GPI: variants seen among roughly 807,000 people sequenced by gnomAD.
GPI encodes the protein D-hexose-6-phosphate anomerase.
In GPI, 56 loss-of-function variants were observed where a neutral mutation model predicts 75.8. The ratio of observed to expected loss-of-function variants is 0.74; its 90% CI spans 0.60 to 0.92. The LOEUF (loss-of-function observed/expected upper bound fraction) is 0.92, where lower values mean the gene tolerates loss of function less well. Among genes scored for constraint, GPI ranks in the 40% least tolerant of loss-of-function variants. The pLI is 0.00. For missense variants in GPI, 638 were observed against 741.0 expected (o/e 0.86, Z 1.61); for synonymous variants, 288 against 285.4 (o/e 1.01, Z -0.09).
At chr19:34,366,711 C>A in intron 2 of GPI, 72 bp from the exon 3 acceptor site, 1 of 1,045,170 alleles carries the variant, frequency 9.6e-7, no homozygotes, top group Non-Finnish European at 1.5e-6. Flanking sequence ...AGCACCAAGC[C>A]TTGTGTTTGG....
At chr19:34,382,905 C>G (rs987213276) in intron 9 of GPI, among the ~76,000 whole-genome samples, 1 of 152,116 alleles carries the variant, frequency 6.6e-6, no homozygotes, top group South Asian at 2.1e-4. Flanking sequence ...AGGGACCTGC[C>G]TGAGTTACTA....
chr19:34,365,458 G>A (rs2074345873), intron 1 of GPI, 70 bp downstream of exon 1: 1 of 1,511,400 alleles, frequency 6.6e-7, no homozygotes, highest in Admixed American at 2.0e-5. Flanking sequence ...CCTGGGGTCT[G>A]GAGGCGGGGG....
upstream of GPI, chr19:34,365,154 G>T: frequency 4.9e-6 from 6 of 1,232,402 alleles, no homozygotes; most frequent in Non-Finnish European, 6.1e-6. Context: ...GGGCCGGGCC[G>T]GGCGCCTGCG....
At chr19:34,377,336 A>AAT (rs1243864461) in intron 4 of GPI, among the ~76,000 whole-genome samples, 167 bp from the exon 5 acceptor site, 8,477 of 48,912 alleles carry the variant, frequency 0.17, 870 homozygotes, top group Admixed American at 0.23. Context: ...AAAAAAAAAA[A>AAT]ATATATATAT....
intron 14 of GPI, chr19:34,397,612 C>T (rs946647552): frequency 2.0e-5 from 3 of 151,770 alleles, no homozygotes; most frequent in Non-Finnish European, 2.9e-5. Flanking sequence ...CCTCAAATAG[C>T]TGAGACTTAC....
At chr19:34,375,160 T>TTA (rs1568331554) in intron 4 of GPI, among the ~76,000 whole-genome samples, 1 of 151,248 alleles carries the variant, frequency 6.6e-6, no homozygotes, top group African/African-American at 2.4e-5. Context: ...TTTTTTTTTT[T>TTA]AAGACGGAGT....
chr19:34,386,449 C>T lies in GPI; in HGVS notation c.804+4930C>T, dbSNP rs186703714. ...GAGGAGCCAGGGTCAGGCAGGTAGA[C>T]AAAACTGGTCTGCCAGGAGTAGTCT... On this transcript the variant is annotated intron_variant, in intron 9 of 17. Coordinates refer to ENST00000356487, the MANE Select transcript of GPI (RefSeq NM_000175.5). 3.3e-5 allele frequency among the ~76,000 whole-genome samples: 5 copies of T among 152,186 alleles called. No homozygotes were observed. The East Asian group carries it at 9.7e-4, about 30-fold the overall frequency.
chr19:34,393,920 C>T lies in GPI; in HGVS notation c.916C>T (p.His306Tyr). Residue 306 changes from histidine to tyrosine, a missense_variant, in exon 12 of 18, where the codon CAC (histidine) becomes TAC (tyrosine). By Grantham distance (83) the His-to-Tyr change is moderately conservative. Transcript: ENST00000356487. This position sits in a 1 kb window ranked among gnomAD's most constrained non-coding sequence, Gnocchi z 4.4. ...CATCCTGCTCCTGTTTCAGGACCAG[C>T]ACTTCCGCACGACGCCCCTGGAGAA... ...LLSGAHWMDQ[H>Y]FRTTPLEKNA... 6.2e-7 allele frequency: 1 copy of T among 1,613,672 alleles called. No homozygotes were observed. The highest frequency in any genetic ancestry group is 8.5e-7 in the Non-Finnish European group (1 of 1,179,948).
At chr19:34,364,763 A>C (rs1024477799), upstream of GPI, 3 of 427,088 alleles carry the variant, frequency 7.0e-6, no homozygotes, top group Admixed American at 1.3e-4. Context: ...ACCAGCAGAC[A>C]CACATCATCT....
intron 7 of GPI, among the ~76,000 whole-genome samples, chr19:34,379,248 C>T (rs571869671): frequency 1.9e-4 from 29 of 152,350 alleles, no homozygotes; most frequent in African/African-American, 6.0e-4. Context: ...TCTCTGCAGG[C>T]CCTTGGCGCT....
chr19:34,377,407 T>G, intron 4 of GPI, 96 bp from the exon 5 acceptor site: 1 of 818,516 alleles, frequency 1.2e-6, no homozygotes. Context: ...GCCTGAAAGC[T>G]GGGACTGAGG....
chr19:34,400,107 C>T lies in GPI; in HGVS notation c.*71C>T, dbSNP rs948794170. On this transcript the variant is annotated 3_prime_UTR_variant, in exon 18 of 18. Coordinates refer to ENST00000356487, the MANE Select transcript of GPI (RefSeq NM_000175.5). ...TCGTCCCTCCTCCCCGGAGCCGGCA[C>T]TGCATGTTCCTGGACACCACCCAGA... 1 of 1,498,846 alleles carries T rather than the reference C, an allele frequency of 6.7e-7. No individual in the cohort carries two copies. The highest frequency in any genetic ancestry group is 9.2e-7 in the Non-Finnish European group (1 of 1,089,310). 92.8% of individuals were successfully genotyped at this position (1,498,846 alleles called of 1,614,324 possible).
rs2074991580 is a variant in GPI, at chr19:34,399,547, T to C, written c.1399-9T>C. 1 of 1,613,854 alleles carries C rather than the reference T, an allele frequency of 6.2e-7. No homozygotes were observed. On this transcript the variant is annotated splice_polypyrimidine_tract_variant and intron_variant, in intron 15 of 17. Coordinates refer to ENST00000356487, the MANE Select transcript of GPI (RefSeq NM_000175.5). ...CTCTCTTGGAGACATTCCTTGGTGTTTTCTGCAGGTCTTTGAAGGAAATCG... is the reference window on the plus strand; with the variant it reads ...CTCTCTTGGAGACATTCCTTGGTGTCTTCTGCAGGTCTTTGAAGGAAATCG...
chr19:34,392,027 T>G (rs112373122), intron 9 of GPI, among the ~76,000 whole-genome samples: 21 of 2,132 alleles, frequency 9.8e-3, no homozygotes, highest in East Asian at 0.042. Flanking sequence ...ATCTGGGTCT[T>G]TCAATGTCTG....
At chr19:34,366,080 G>A in intron 1 of GPI, 1 of 673,618 alleles carries the variant, frequency 1.5e-6, no homozygotes, top group South Asian at 1.5e-5. Context: ...CTGGGAAGGG[G>A]TGGTCCCCCA....
At position 34,399,639 on chromosome 19, in the gene GPI, A is replaced by AGT; in HGVS notation, c.1474+9_1474+10dup. 1 of 1,613,986 alleles carries AGT rather than the reference A, an allele frequency of 6.2e-7. No homozygotes were observed. The highest frequency in any genetic ancestry group is 8.5e-7 in the Non-Finnish European group (1 of 1,179,898). On this transcript the variant is annotated intron_variant, in intron 16 of 17. Transcript: ENST00000356487. ...TGCTTGGAGCCTTGGTCGGTGAGTG[A>AGT]GTAGGGGAAAGGTCCTGGCTTGGGG...
rs750076196 is a variant in GPI, at chr19:34,377,789, G to A, written c.541G>A (p.Val181Ile). 1.8e-5 allele frequency: 29 copies of A among 1,613,890 alleles called. No homozygotes were observed. The highest frequency in any genetic ancestry group is 3.3e-4 in the Middle Eastern group (2 of 6,084). The change falls in exon 6 of 18, where the codon GTC becomes ATC. Residue 181 changes from valine to isoleucine, a missense_variant. Transcript: ENST00000356487. ...LKPYSSGGPR[V>I]WYVSNIDGTH... Reference sequence around the variant, plus strand: ...GCCATACTCTTCAGGAGGTCCCCGCGTCTGGTATGTCTCCAACATTGATGG... The same window carrying A: ...GCCATACTCTTCAGGAGGTCCCCGCATCTGGTATGTCTCCAACATTGATGG...
At chr19:34,374,227 G>T (rs1055539898) in intron 4 of GPI, among the ~76,000 whole-genome samples, 2 of 146,822 alleles carry the variant, frequency 1.4e-5, no homozygotes, top group African/African-American at 2.5e-5. Flanking sequence ...CAAGTGATCC[G>T]CCTGCCTTGC....
intron 1 of GPI, 144 bp from the exon 2 acceptor site, chr19:34,366,201 A>G (rs1162701063): frequency 8.3e-6 from 6 of 721,314 alleles, no homozygotes; most frequent in Non-Finnish European, 1.5e-5. Flanking sequence ...CAGGTGACAG[A>G]CACCACCACT....
Sources: gnomAD v4.1 joint callset for allele counts (sites outside exome capture counted in the v4.1 genomes callset) on GRCh38, gnomAD v4.1.1 for gene constraint, Gnocchi (gnomAD v3.1) non-coding constraint, MANE v1.5 for transcripts, NCBI Gene and HGNC (gene_info 2026-07-23, HGNC 2026-07-21) for gene names.